Variants in STX8 observed in about 807,000 individuals in gnomAD.
STX8 encodes syntaxin 8.
In STX8, 23 loss-of-function variants were observed where a neutral mutation model predicts 37.5. That is an observed-to-expected ratio of 0.61 (90% CI 0.44 to 0.87). STX8 has a LOEUF of 0.87. Ranked by LOEUF, STX8 falls within the 40% of genes least tolerant of loss-of-function variation. The pLI is 0.00. For missense variants in STX8, 313 were observed against 284.7 expected (o/e 1.10, Z -0.71); for synonymous variants, 115 against 99.1 (o/e 1.16, Z -0.95).
chr17:9,531,083 T>C (rs1420993324), intron 4 of STX8, among the ~76,000 whole-genome samples: 1 of 152,236 alleles, frequency 6.6e-6, no homozygotes, highest in African/African-American at 2.4e-5. Flanking sequence ...CTGTCATAAA[T>C]CAGGTGACAA....
intron 6 of STX8, among the ~76,000 whole-genome samples, chr17:9,405,888 G>T (rs1912784027): frequency 6.6e-6 from 1 of 152,170 alleles, no homozygotes; most frequent in African/African-American, 2.4e-5. Context: ...TCCAGCTTTA[G>T]ATCAGATCCT....
At chr17:9,345,579 A>T (rs1910504337) in intron 7 of STX8, among the ~76,000 whole-genome samples, 1 of 152,026 alleles carries the variant, frequency 6.6e-6, no homozygotes, top group South Asian at 2.1e-4. Context: ...AAAATTTTTT[A>T]TTTTTAGATG....
intron 6 of STX8, among the ~76,000 whole-genome samples, chr17:9,413,857 T>C (rs1041755941): frequency 6.6e-6 from 1 of 152,106 alleles, no homozygotes; most frequent in African/African-American, 2.4e-5. Flanking sequence ...TATGTACGTA[T>C]GTAAGTATGT....
chr17:9,508,675 T>TG (rs1358023534), intron 4 of STX8, among the ~76,000 whole-genome samples: 5 of 151,948 alleles, frequency 3.3e-5, no homozygotes, highest in African/African-American at 9.7e-5. Context: ...CACAGAAAGA[T>TG]GGGGGGAAGA....
chr17:9,265,573 A>C (rs1302919954), intron 7 of STX8, among the ~76,000 whole-genome samples: 1 of 152,274 alleles, frequency 6.6e-6, no homozygotes, highest in Non-Finnish European at 1.5e-5. Flanking sequence ...CACATTGAGC[A>C]GCTCAATACA....
chr17:9,284,416 C>A (rs769833752), intron 7 of STX8, among the ~76,000 whole-genome samples: 9 of 152,144 alleles, frequency 5.9e-5, no homozygotes, highest in Non-Finnish European at 1.3e-4. Context: ...AAATAAACTA[C>A]GGAGAAAATA....
chr17:9,407,029 A>G lies in STX8; in HGVS notation c.542-28376T>C, dbSNP rs541307348. ...CAGAGGTATTATTCTGATAAAAGTGAAAATTAAATTTTAAAAAATTAAGTC... is the reference window on the plus strand; with the variant it reads ...CAGAGGTATTATTCTGATAAAAGTGGAAATTAAATTTTAAAAAATTAAGTC... On this transcript the variant is annotated intron_variant, in intron 6 of 7. Transcript: ENST00000306357. Among the ~76,000 whole-genome samples the G allele has an allele frequency of 2.6e-5, 4 of 152,224 alleles. No individual in the cohort carries two copies. The East Asian group carries it at 7.7e-4, about 29-fold the overall frequency.
At chr17:9,546,199 A>C (rs755275792) in intron 3 of STX8, among the ~76,000 whole-genome samples, 13 of 152,250 alleles carry the variant, frequency 8.5e-5, no homozygotes, top group Non-Finnish European at 1.8e-4. Context: ...GAAAATTACA[A>C]AGAGAATCAT....
intron 4 of STX8, among the ~76,000 whole-genome samples, chr17:9,539,665 C>A (rs567308336): frequency 1.3e-4 from 19 of 141,268 alleles, no homozygotes; most frequent in Middle Eastern, 6.8e-3. Context: ...CCCAACTGAC[C>A]CCCCCCACCC....
chr17:9,479,805 GCCTCCTGCCAGCTCTCCTGGCCC>G (rs200947063), intron 6 of STX8, among the ~76,000 whole-genome samples: 3,869 of 150,864 alleles, frequency 0.026, 132 homozygotes, highest in African/African-American at 0.084. Flanking sequence ...CCTAACCCCC[GCCTCCTGCCAGCTCTCCTGGCCC>G]CCTCCTGCCA....
chr17:9,349,316 CTTTTTT>C lies in STX8; in HGVS notation c.643+29230_643+29235del, dbSNP rs61627405. Among the ~76,000 whole-genome samples, 73 of 109,772 alleles carry C rather than the reference CTTTTTT, an allele frequency of 6.7e-4. No individual in the cohort carries two copies. The South Asian group carries it at 0.011, about 17-fold the overall frequency. 72.0% of individuals were successfully genotyped at this position (109,772 alleles called of 152,430 possible). ...CCGGCCGATAAATTTATTTTCTTTT[CTTTTTT>C]TTTTTTTTTTTTTTTGAAACAGAGT... is the stretch of plus-strand genomic sequence containing the variant. On this transcript the variant is annotated intron_variant, in intron 7 of 7. Transcript: ENST00000306357.
At chr17:9,382,053 C>T (rs946038891) in intron 6 of STX8, among the ~76,000 whole-genome samples, 1 of 152,028 alleles carries the variant, frequency 6.6e-6, no homozygotes, top group African/African-American at 2.4e-5. Flanking sequence ...ATTTTCTATA[C>T]AATACTCAGA....
rs1007403452 is a variant in STX8, at chr17:9,507,162, A to G, written c.324-2000T>C. ...GACTACGCTCCTGCATCCCGGATCT[A>G]TGAAACAGTCGGGCAGTGCAGCCCC... is the stretch of plus-strand genomic sequence containing the variant. On this transcript the variant is annotated intron_variant, in intron 4 of 7. Transcript: ENST00000306357. This position sits in a 1 kb window ranked among gnomAD's most constrained non-coding sequence, Gnocchi z 4.0. 6.6e-6 allele frequency among the ~76,000 whole-genome samples: 1 copy of G among 152,002 alleles called. No individual in the cohort carries two copies. Among genetic ancestry groups the G allele is most frequent in the Non-Finnish European group, 1.5e-5 (1 of 67,986 alleles).
chr17:9,547,130 C>G (rs1329023693), intron 3 of STX8, among the ~76,000 whole-genome samples: 4 of 151,676 alleles, frequency 2.6e-5, no homozygotes, highest in African/African-American at 9.7e-5. Context: ...CGCCTGTAGT[C>G]CCAGCTACTC....
chr17:9,296,629 T>TAA (rs56185238), intron 7 of STX8, among the ~76,000 whole-genome samples: 9 of 140,312 alleles, frequency 6.4e-5, no homozygotes, highest in Non-Finnish European at 1.1e-4. Context: ...GTTGAAAGAC[T>TAA]AAAAAAAAAA....
intron 6 of STX8, among the ~76,000 whole-genome samples, chr17:9,446,511 T>C (rs542217055): frequency 6.6e-6 from 1 of 152,312 alleles, no homozygotes; most frequent in African/African-American, 2.4e-5. Flanking sequence ...GGGGATTAAT[T>C]TCTTCAAGGC....
chr17:9,487,816 C>T lies in STX8; in HGVS notation c.541+4013G>A, dbSNP rs148728679. The stretch of plus-strand genomic sequence containing the variant: ...ACTGTGATGCTGTGTATATACACGT[C>T]GCCACGTGGATGCGCTTCTGTGCAT... On this transcript the variant is annotated intron_variant, in intron 6 of 7. Transcript: ENST00000306357. Among the ~76,000 whole-genome samples, 17 of 152,254 alleles carry T rather than the reference C, an allele frequency of 1.1e-4. No individual in the cohort carries two copies. In the South Asian group the frequency reaches 1.9e-3, roughly 17 times the overall value.
intron 1 of STX8, among the ~76,000 whole-genome samples, chr17:9,574,023 C>A (rs1907793592): frequency 6.6e-6 from 1 of 152,078 alleles, no homozygotes; most frequent in South Asian, 2.1e-4. Flanking sequence ...GTAATCCCAG[C>A]ACTTTGGGAG....
rs1483757081 is a variant in STX8, at chr17:9,449,437, G to A, written c.541+42392C>T. 1.3e-5 allele frequency among the ~76,000 whole-genome samples: 2 copies of A among 152,200 alleles called. 1 individual carries two copies. Among genetic ancestry groups the A allele is most frequent in the Middle Eastern group, 6.3e-3 (2 of 316 alleles). On this transcript the variant is annotated intron_variant, in intron 6 of 7. Coordinates refer to ENST00000306357, the MANE Select transcript of STX8 (RefSeq NM_004853.3). ...TAGCCGGACATGGCGGCGGGCGCCT[G>A]TAGTCCCAGCTACTCGGGCGGCTGA...
Sources: gnomAD v4.1 joint callset for allele counts (sites outside exome capture counted in the v4.1 genomes callset) on GRCh38, gnomAD v4.1.1 for gene constraint, Gnocchi (gnomAD v3.1) non-coding constraint, MANE v1.5 for transcripts, NCBI Gene and HGNC (gene_info 2026-07-23, HGNC 2026-07-21) for gene names.